Variants in TULP4 observed in about 807,000 individuals in gnomAD.
The protein encoded by TULP4 is tubby-related protein 4.
TULP4 carries 16 observed loss-of-function variants against 129.0 expected under a neutral mutation model. That is an observed-to-expected ratio of 0.12 (90% CI 0.08 to 0.19). TULP4 has a LOEUF of 0.19. TULP4 is among the 10% of genes least tolerant of loss of function. TULP4 has a pLI of 1.00. For synonymous variants in TULP4, 998 were observed against 854.0 expected (o/e 1.17, Z -2.94); for missense variants, 1,842 against 2,059.1 (o/e 0.89, Z 2.04).
At chr6:158,432,917 A>G (rs1035821957) in intron 3 of TULP4, among the ~76,000 whole-genome samples, 1 of 152,192 alleles carries the variant, frequency 6.6e-6, no homozygotes, top group African/African-American at 2.4e-5. Context: ...CATCACCCTT[A>G]TATATTTCAA....
rs1428275403 is a variant in TULP4 at position 158,501,979 on chromosome 6, A to G, written c.2316A>G (p.Pro772=). Residue 772 remains proline, a synonymous_variant, in exon 13 of 14, where the codon CCA becomes CCG. Transcript: ENST00000367097. ...GCCGCATCATTCAGAACCCCCCTCC[A>G]CTGTCCCTGCCTCCCCCGCCGCAGG... ...EMGRIIQNPP[P]LSLPPPPQGP... 3.1e-6 allele frequency: 5 copies of G among 1,604,398 alleles called. No homozygotes were observed. The highest frequency in any genetic ancestry group is 1.7e-4 in the Middle Eastern group (1 of 6,032).
At chr6:158,449,795 C>T (rs1779127682) in intron 4 of TULP4, among the ~76,000 whole-genome samples, 1 of 152,068 alleles carries the variant, frequency 6.6e-6, no homozygotes, top group South Asian at 2.1e-4. Context: ...CCACCTTAAC[C>T]TCTAGCAGGT....
chr6:158,285,290 G>T (rs778378962), intron 1 of TULP4, among the ~76,000 whole-genome samples: 5 of 151,972 alleles, frequency 3.3e-5, no homozygotes, highest in Non-Finnish European at 5.9e-5. Flanking sequence ...ATAATATGTT[G>T]TTTATTAACA....
intron 1 of TULP4, among the ~76,000 whole-genome samples, chr6:158,298,143 A>G (rs1274130927): frequency 6.6e-6 from 1 of 152,164 alleles, no homozygotes; most frequent in Non-Finnish European, 1.5e-5. Context: ...AGGCAGTCAG[A>G]CCTTATGGTT....
Position 158,493,789 on chromosome 6 carries a change from C to A in TULP4, c.1776+72C>A. On this transcript the variant is annotated intron_variant, in intron 10 of 13. Transcript: ENST00000367097. This position sits in a 1 kb window ranked among gnomAD's most constrained non-coding sequence, Gnocchi z 4.4. Reference sequence around the variant, plus strand: ...TATGCCCAGAGGGCCCCTTCCTACCCGCCGCCTGCACTGCTCACTGCCACC... The same window carrying A: ...TATGCCCAGAGGGCCCCTTCCTACCAGCCGCCTGCACTGCTCACTGCCACC... 6.9e-7 allele frequency: 1 copy of A among 1,457,748 alleles called. No homozygotes were observed. 90.3% of individuals were successfully genotyped at this position (1,457,748 alleles called of 1,614,324 possible).
At chr6:158,249,089 CAAAA>C (rs3884262) in intron 1 of TULP4, among the ~76,000 whole-genome samples, 7 of 106,536 alleles carry the variant, frequency 6.6e-5, no homozygotes, top group Admixed American at 9.1e-5. Flanking sequence ...GACCCTGTCT[CAAAA>C]AAAAAAAAAA....
At chr6:158,412,658 A>T (rs1778121566) in intron 1 of TULP4, among the ~76,000 whole-genome samples, 1 of 152,156 alleles carries the variant, frequency 6.6e-6, no homozygotes, top group African/African-American at 2.4e-5. Flanking sequence ...AATGAACCTA[A>T]ATAGTACTCA....
chr6:158,350,186 T>G (rs1397172130), intron 1 of TULP4, among the ~76,000 whole-genome samples: 4 of 142,366 alleles, frequency 2.8e-5, no homozygotes, highest in Admixed American at 6.9e-5. Context: ...GGGCAGAGGC[T>G]CTCCTCACTT....
chr6:158,236,790 C>CTTTTTTTTTT (rs1562489169), intron 1 of TULP4, among the ~76,000 whole-genome samples: 1 of 33,114 alleles, frequency 3.0e-5, no homozygotes, highest in Non-Finnish European at 6.2e-5. Flanking sequence ...ATGCCCAATT[C>CTTTTTTTTTT]TTTTCTTTTT....
chr6:158,496,896 A>G lies in TULP4; in HGVS notation c.1871-1773A>G, dbSNP rs188364383. Among the ~76,000 whole-genome samples, 37 of 152,274 alleles carry G rather than the reference A, an allele frequency of 2.4e-4. 1 individual carries two copies. The East Asian group carries it at 7.0e-3, about 29-fold the overall frequency. On this transcript the variant is annotated intron_variant, in intron 11 of 13. Transcript: ENST00000367097. Reference sequence around the variant, plus strand: ...AGGGCCTGGCTCTGTCACCCATGCTAGAGTGCAGTGGCGCCACCACAGCTC... The same window carrying G: ...AGGGCCTGGCTCTGTCACCCATGCTGGAGTGCAGTGGCGCCACCACAGCTC...
intron 6 of TULP4, among the ~76,000 whole-genome samples, chr6:158,467,277 CTTTTT>C (rs59276592): frequency 5.0e-5 from 7 of 140,880 alleles, no homozygotes; most frequent in Non-Finnish European, 7.8e-5. Context: ...CTTTCCCTTT[CTTTTT>C]TTTTTTTTTT....
chr6:158,454,018 A>T (rs1416934530), intron 5 of TULP4, among the ~76,000 whole-genome samples: 3 of 114,616 alleles, frequency 2.6e-5, no homozygotes, highest in African/African-American at 7.1e-5. Flanking sequence ...CTGCCTCTGC[A>T]CCGCCCCCCC....
At chr6:158,298,246 A>G (rs1057420038) in intron 1 of TULP4, among the ~76,000 whole-genome samples, 9 of 152,138 alleles carry the variant, frequency 5.9e-5, no homozygotes, top group African/African-American at 1.7e-4. Context: ...TTTACAATCA[A>G]TTTGTACAGT....
chr6:158,235,442 CT>C (rs1202848747), intron 1 of TULP4, among the ~76,000 whole-genome samples: 1 of 152,200 alleles, frequency 6.6e-6, no homozygotes, highest in Non-Finnish European at 1.5e-5. Context: ...TCATGACTGG[CT>C]TATTTCACTT....
chr6:158,445,056 C>G (rs2115117249), intron 3 of TULP4, among the ~76,000 whole-genome samples: 3 of 152,290 alleles, frequency 2.0e-5, no homozygotes, highest in Admixed American at 2.0e-4. Context: ...TCAAGTGATC[C>G]TCCCATCTCA....
At chr6:158,234,510 G>A (rs540013657) in intron 1 of TULP4, among the ~76,000 whole-genome samples, 1 of 152,280 alleles carries the variant, frequency 6.6e-6, no homozygotes, top group African/African-American at 2.4e-5. Flanking sequence ...AAGCTAGGTC[G>A]GAATTTTTAT....
intron 2 of TULP4, among the ~76,000 whole-genome samples, chr6:158,427,558 A>G (rs1310014464): frequency 8.2e-6 from 1 of 122,618 alleles, no homozygotes; most frequent in Non-Finnish European, 1.6e-5. Flanking sequence ...CAGTGGCATG[A>G]TCTCGTCTCA....
chr6:158,390,325 A>T lies in TULP4; in HGVS notation c.253-22740A>T, dbSNP rs548763822. Among the ~76,000 whole-genome samples, 5 of 151,980 alleles carry T rather than the reference A, an allele frequency of 3.3e-5. No individual in the cohort carries two copies. The South Asian group carries it at 6.2e-4, about 19-fold the overall frequency. On this transcript the variant is annotated intron_variant, in intron 1 of 13. Coordinates refer to ENST00000367097, the MANE Select transcript of TULP4 (RefSeq NM_020245.5). ...TATCTGGTCTGTAGCTTGCTTTTTT[A>T]CCTCTACCTAATTGTATGCGAACTA...
In TULP4 at chr6:158,366,111, G is replaced by A. The variant is rs530544944; in HGVS notation, c.253-46954G>A. On this transcript the variant is annotated intron_variant, in intron 1 of 13. Coordinates refer to ENST00000367097, the MANE Select transcript of TULP4 (RefSeq NM_020245.5). ...GTAGAAACGGGGTTTCACCATGTTA[G>A]CCAGGATGGTCTCGATCTCCTGATG... is the stretch of plus-strand genomic sequence containing the variant. 8.6e-5 allele frequency among the ~76,000 whole-genome samples: 13 copies of A among 151,672 alleles called. No homozygotes were observed. In the South Asian group the frequency reaches 2.5e-3, roughly 29 times the overall value.
Sources: allele counts gnomAD v4.1 joint callset (sites outside exome capture counted in the v4.1 genomes callset), GRCh38; gene constraint gnomAD v4.1.1; non-coding constraint Gnocchi (gnomAD v3.1); transcripts MANE v1.5; gene names NCBI Gene and HGNC (gene_info 2026-07-23, HGNC 2026-07-21).